Variants in TPRG1 observed in about 807,000 individuals in gnomAD.
TPRG1 encodes the protein tumor protein p63 regulated 1.
A neutral mutation model predicts 29.3 loss-of-function variants in TPRG1; 29 were observed. The ratio of observed to expected loss-of-function variants is 0.99; its 90% CI spans 0.74 to 1.35. The LOEUF is 1.35. Among genes scored for constraint, TPRG1 ranks in the 40% most tolerant of loss-of-function variants. The pLI is 0.00. For synonymous variants in TPRG1, 130 were observed against 116.8 expected (o/e 1.11, Z -0.73); for missense variants, 327 against 335.0 (o/e 0.98, Z 0.19).
upstream of TPRG1, among the ~76,000 whole-genome samples, chr3:189,095,305 G>A (rs900841879): frequency 2.0e-5 from 3 of 152,164 alleles, no homozygotes; most frequent in African/African-American, 4.8e-5. Flanking sequence ...GAGTGGGGGA[G>A]TCATAGACCA....
At chr3:189,021,484 C>T (rs1713305922) in intron 3 of TPRG1, among the ~76,000 whole-genome samples, 1 of 151,986 alleles carries the variant, frequency 6.6e-6, no homozygotes, top group Non-Finnish European at 1.5e-5. Context: ...TTCTCCTTCA[C>T]TTATGAAGCT....
intron 4 of TPRG1, among the ~76,000 whole-genome samples, chr3:189,262,421 G>A (rs545811773): frequency 6.6e-6 from 1 of 151,890 alleles, no homozygotes; most frequent in African/African-American, 2.4e-5. Flanking sequence ...AAGAGAGGTC[G>A]GTTGAGACAA....
intron 3 of TPRG1, among the ~76,000 whole-genome samples, chr3:189,140,732 C>G (rs559151644): frequency 2.0e-5 from 3 of 152,258 alleles, no homozygotes; most frequent in Admixed American, 6.5e-5. Context: ...GGTGGCAGTC[C>G]TTCAGGTATT....
chr3:189,210,578 C>G (rs550145766), intron 2 of TPRG1, among the ~76,000 whole-genome samples: 1 of 152,310 alleles, frequency 6.6e-6, no homozygotes, highest in South Asian at 2.1e-4. Context: ...AGATGATTCT[C>G]AATCTTTACT....
chr3:189,062,500 A>C (rs1329773762), intron 4 of TPRG1, among the ~76,000 whole-genome samples: 1 of 152,192 alleles, frequency 6.6e-6, no homozygotes, highest in Admixed American at 6.5e-5. Flanking sequence ...AAGGAACAAA[A>C]AAATAGCAGA....
intron 1 of TPRG1, among the ~76,000 whole-genome samples, chr3:189,110,286 A>T (rs1720349993): frequency 6.6e-6 from 1 of 152,200 alleles, no homozygotes; most frequent in Non-Finnish European, 1.5e-5. Flanking sequence ...TAAATTCGTT[A>T]TGTTAAGTGC....
intron 2 of TPRG1, 25 bp from the exon 3 acceptor site, chr3:189,215,267 T>C: frequency 1.3e-6 from 2 of 1,594,408 alleles, no homozygotes; most frequent in Non-Finnish European, 8.5e-7. Context: ...TGCTCTAAAC[T>C]AGGTATTTTC....
intron 4 of TPRG1, among the ~76,000 whole-genome samples, chr3:189,057,837 TGTATGTGTGTATATATATACACACATAC>T (rs60377304): frequency 0.12 from 16,190 of 139,978 alleles, 2,003 homozygotes; most frequent in African/African-American, 0.31. Context: ...TACACACATA[TGTATGTGTGTATATATATACACACATAC>T]GTATGTGTGT....
rs1171943967 is a variant in TPRG1 at position 189,100,810 on chromosome 3, C to G, written c.-744+606C>G. ...GGCCCCACCAAGAGAAATCTGTGCC[C>G]TCTCATCTGCCAGTGGGGCCACTGC... On this transcript the variant is annotated intron_variant, in intron 1 of 6. Coordinates refer to the TPRG1 transcript ENST00000412373. Among the ~76,000 whole-genome samples the G allele has an allele frequency of 2.0e-5, 3 of 152,162 alleles. No individual in the cohort carries two copies. In the East Asian group the frequency reaches 5.8e-4, roughly 29 times the overall value.
intron 3 of TPRG1, among the ~76,000 whole-genome samples, chr3:189,228,069 C>T (rs185834373): frequency 5.7e-4 from 86 of 152,192 alleles, no homozygotes; most frequent in African/African-American, 1.9e-3. Flanking sequence ...TGCAGTGAGT[C>T]GAGATCGCCC....
intron 1 of TPRG1, among the ~76,000 whole-genome samples, chr3:189,203,025 G>GC (rs1733748537): frequency 6.6e-6 from 1 of 152,218 alleles, no homozygotes; most frequent in South Asian, 2.1e-4. Context: ...GAGCTGTGTG[G>GC]CCATGGACAA....
At chr3:189,079,634 A>G (rs1328839531) in intron 4 of TPRG1, among the ~76,000 whole-genome samples, 2 of 152,214 alleles carry the variant, frequency 1.3e-5, no homozygotes, top group Admixed American at 1.3e-4. Flanking sequence ...ATTAAACAAG[A>G]TTCCTGGTCT....
chr3:189,231,491 G>A (rs1028487303), intron 3 of TPRG1, among the ~76,000 whole-genome samples: 36 of 152,012 alleles, frequency 2.4e-4, no homozygotes, highest in African/African-American at 8.0e-4. Context: ...CTTCATCATC[G>A]TCACCATCAT....
intron 2 of TPRG1, among the ~76,000 whole-genome samples, chr3:189,207,826 C>T (rs560923804): frequency 3.9e-5 from 6 of 152,312 alleles, no homozygotes; most frequent in East Asian, 1.9e-4. Flanking sequence ...AGTGTGTCCT[C>T]GAGCTTCCTT....
intron 4 of TPRG1, among the ~76,000 whole-genome samples, chr3:189,076,731 A>G (rs561780295): frequency 2.0e-5 from 3 of 152,230 alleles, no homozygotes; most frequent in African/African-American, 7.2e-5. Context: ...AAACATGCCC[A>G]GTAATTTCCA....
intron 5 of TPRG1, among the ~76,000 whole-genome samples, chr3:189,317,931 G>T (rs181807291): frequency 1.4e-4 from 21 of 152,192 alleles, no homozygotes; most frequent in Non-Finnish European, 5.9e-5. Flanking sequence ...AACCTCTCTT[G>T]TGCAAGGAAA....
At chr3:189,226,310 A>G (rs1737711312) in intron 3 of TPRG1, among the ~76,000 whole-genome samples, 1 of 152,234 alleles carries the variant, frequency 6.6e-6, no homozygotes, top group Non-Finnish European at 1.5e-5. Context: ...TGAAAGAATT[A>G]AAATCATACA....
At chr3:189,160,359 GAT>G (rs1727309677) in intron 5 of TPRG1, among the ~76,000 whole-genome samples, 1 of 152,200 alleles carries the variant, frequency 6.6e-6, no homozygotes, top group Admixed American at 6.5e-5. Flanking sequence ...GCTGGGGAAA[GAT>G]GTGATAAAAT....
intron 3 of TPRG1, among the ~76,000 whole-genome samples, chr3:189,220,123 T>A (rs1250480301): frequency 6.6e-6 from 1 of 152,178 alleles, no homozygotes. Context: ...TTGGTGAATT[T>A]GTTTTAATAT....
Sources: gnomAD v4.1 joint callset for allele counts (sites outside exome capture counted in the v4.1 genomes callset) on GRCh38, gnomAD v4.1.1 for gene constraint, MANE v1.5 for transcripts, NCBI Gene and HGNC (gene_info 2026-07-23, HGNC 2026-07-21) for gene names.